Variants in ANK2 observed in about 807,000 individuals in gnomAD.
ANK2 encodes the protein ankyrin 2.
Under a neutral mutation model 360.5 loss-of-function variants are expected in ANK2, and 83 were observed. The ratio of observed to expected loss-of-function variants is 0.23; its 90% confidence interval spans 0.19 to 0.28. The LOEUF is 0.28. Ranked by LOEUF, ANK2 falls within the 10% of genes least tolerant of loss-of-function variation. The pLI, the probability that ANK2 is intolerant of heterozygous loss-of-function variation, is 1.00. For missense variants in ANK2, 4,201 were observed against 4,795.7 expected, an observed-to-expected ratio of 0.88 and a Z score of 3.66; for synonymous variants, 1,740 against 1,759.5, an observed-to-expected ratio of 0.99 and a Z score of 0.28.
rs116080938 is a variant in ANK2, at chr4:112,956,755, T to C, written c.21+52241T>C. Among the ~76,000 whole-genome samples, 1,283 of 152,308 alleles carry C rather than the reference T, an allele frequency of 8.4e-3. 24 individuals carry two copies. Among genetic ancestry groups the C allele is most frequent in the African/African-American group, 0.03 (1,228 of 41,554 alleles). On this transcript the variant is annotated intron_variant, in intron 2 of 30. Coordinates refer to the ANK2 transcript ENST00000503271. ...AAACTTCGGATAAGGGAGACCACTG[T>C]AAATATTGGGCATCCCTAAAAGATT...
intron 1 of ANK2, among the ~76,000 whole-genome samples, chr4:112,867,370 A>G (rs901148498): frequency 6.6e-6 from 1 of 151,736 alleles, no homozygotes; most frequent in African/African-American, 2.4e-5. Flanking sequence ...TTCTTTTAGT[A>G]TTATGATTTT....
At chr4:113,324,372 T>C (rs537182962) in intron 26 of ANK2, among the ~76,000 whole-genome samples, 2 of 152,316 alleles carry the variant, frequency 1.3e-5, no homozygotes, top group Admixed American at 1.3e-4. Flanking sequence ...TGTTATTCTG[T>C]TATTTATTTA....
chr4:112,992,435 C>T (rs184933946), intron 2 of ANK2, among the ~76,000 whole-genome samples: 2 of 152,242 alleles, frequency 1.3e-5, no homozygotes, highest in South Asian at 2.1e-4. Context: ...TGAGCCACAA[C>T]GCCTGGCCTA....
chr4:113,221,779 G>A (rs188601862), intron 4 of ANK2, among the ~76,000 whole-genome samples: 3 of 152,320 alleles, frequency 2.0e-5, no homozygotes, highest in Non-Finnish European at 2.9e-5. Flanking sequence ...AGGATGCACT[G>A]GAATGAGTAA....
the ANK2 span, among the ~76,000 whole-genome samples, chr4:112,765,659 C>CTT: frequency 7.5e-4 from 101 of 134,266 alleles, no homozygotes; most frequent in South Asian, 1.5e-3. Flanking sequence ...CCCTCCCCCG[C>CTT]TTTTTTTTTT....
chr4:113,075,871 C>T (rs1407396653), intron 1 of ANK2, among the ~76,000 whole-genome samples: 1 of 152,126 alleles, frequency 6.6e-6, no homozygotes, highest in Non-Finnish European at 1.5e-5. Context: ...GCAACAAGAT[C>T]TTAGTATACT....
intron 1 of ANK2, among the ~76,000 whole-genome samples, chr4:113,069,652 T>C (rs62314901): frequency 0.38 from 58,168 of 152,082 alleles, 11,338 homozygotes; most frequent in South Asian, 0.48. Context: ...CCATCATTGA[T>C]ACTAAACTTT....
At chr4:113,164,650 C>T (rs1234463287) in intron 1 of ANK2, among the ~76,000 whole-genome samples, 1 of 152,182 alleles carries the variant, frequency 6.6e-6, no homozygotes, top group Non-Finnish European at 1.5e-5. Flanking sequence ...AGTAAATTAA[C>T]ACTATAAGAT....
chr4:113,030,964 A>G (rs568524591), intron 2 of ANK2, among the ~76,000 whole-genome samples: 69 of 152,164 alleles, frequency 4.5e-4, no homozygotes, highest in Middle Eastern at 3.4e-3. Context: ...GGAAAAAGAC[A>G]TTTTGGTGGG....
chr4:113,021,274 T>A (rs536472803), intron 2 of ANK2, among the ~76,000 whole-genome samples: 7 of 152,116 alleles, frequency 4.6e-5, no homozygotes, highest in African/African-American at 1.7e-4. Context: ...ACATTTCTTC[T>A]CCCTTGCATA....
intron 2 of ANK2, among the ~76,000 whole-genome samples, chr4:112,940,555 A>G (rs890616496): frequency 1.3e-5 from 2 of 152,188 alleles, no homozygotes; most frequent in African/African-American, 4.8e-5. Flanking sequence ...TGATGTTATT[A>G]GCATTTTTCA....
the ANK2 span, among the ~76,000 whole-genome samples, chr4:112,758,009 T>A: frequency 6.6e-6 from 1 of 152,160 alleles, no homozygotes; most frequent in East Asian, 1.9e-4. Context: ...GTTCAAGCGA[T>A]TCTCCTGCCT....
chr4:112,760,424 T>C, the ANK2 span, among the ~76,000 whole-genome samples: 1 of 152,206 alleles, frequency 6.6e-6, no homozygotes, highest in East Asian at 1.9e-4. Flanking sequence ...CCTGACCTTG[T>C]GATCCGCCCG....
chr4:113,161,282 G>T (rs1171067674), intron 1 of ANK2, among the ~76,000 whole-genome samples: 1 of 152,126 alleles, frequency 6.6e-6, no homozygotes, highest in Non-Finnish European at 1.5e-5. Context: ...GTGGATTTTT[G>T]TTGACAGAGT....
chr4:113,378,261 C>A, intron 45 of ANK2: 1 of 534,564 alleles, frequency 1.9e-6, no homozygotes. Flanking sequence ...AGGGGAGAAT[C>A]CCTACATCTA....
intron 21 of ANK2, among the ~76,000 whole-genome samples, chr4:113,292,819 C>A (rs1393960847): frequency 6.6e-6 from 1 of 151,996 alleles, no homozygotes; most frequent in African/African-American, 2.4e-5. Flanking sequence ...CACAAATTGA[C>A]CCCCCCTCGC....
chr4:113,287,553 G>T, intron 18 of ANK2, 52 bp from the exon 19 acceptor site: 1 of 1,263,994 alleles, frequency 7.9e-7, no homozygotes, highest in Non-Finnish European at 1.2e-6. Context: ...TATAGATGAT[G>T]CAATGTATTT....
chr4:112,778,137 T>C, the ANK2 span, among the ~76,000 whole-genome samples: 1 of 151,446 alleles, frequency 6.6e-6, no homozygotes, highest in Admixed American at 6.6e-5. Context: ...GTCTGGCTAA[T>C]TTTTGTATTT....
intron 2 of ANK2, among the ~76,000 whole-genome samples, chr4:113,195,225 G>A (rs965479593): frequency 1.3e-5 from 2 of 151,934 alleles, no homozygotes; most frequent in Admixed American, 6.6e-5. Flanking sequence ...TCATTTTATT[G>A]ACTGATTTCA....
Sources: allele counts gnomAD v4.1 joint callset (sites outside exome capture counted in the v4.1 genomes callset), GRCh38; gene constraint gnomAD v4.1.1; transcripts MANE v1.5; gene names NCBI Gene and HGNC (gene_info 2026-07-23, HGNC 2026-07-21).